RANBP9: variants seen among roughly 807,000 people sequenced by gnomAD.
The protein encoded by RANBP9 is RAN binding protein 9.
A neutral mutation model predicts 84.3 loss-of-function variants in RANBP9; 15 were observed. The ratio of observed to expected loss-of-function variants is 0.18; its 90% CI spans 0.12 to 0.27. The LOEUF (loss-of-function observed/expected upper bound fraction) is 0.27. RANBP9 is among the 10% of genes least tolerant of loss of function. The pLI is 1.00. For synonymous variants in RANBP9, 392 were observed against 349.6 expected, an observed-to-expected ratio of 1.12 and a Z score of -1.35; for missense variants, 809 against 912.8, an observed-to-expected ratio of 0.89 and a Z score of 1.46.
chr6:13,688,162 AGT>A (rs1262210549), intron 2 of RANBP9, among the ~76,000 whole-genome samples: 4 of 152,186 alleles, frequency 2.6e-5, no homozygotes, highest in Non-Finnish European at 5.9e-5. Context: ...AGACTGAGAG[AGT>A]CTGTCAAAAA....
At chr6:13,677,397 A>C (rs1203106661) in intron 2 of RANBP9, among the ~76,000 whole-genome samples, 1 of 152,222 alleles carries the variant, frequency 6.6e-6, no homozygotes, top group Non-Finnish European at 1.5e-5. Context: ...GGAAGACTCA[A>C]ATTTTAAAAT....
rs1402552523 is a variant in RANBP9, at chr6:13,639,724, C to T, written c.1364G>A (p.Gly455Asp). 1 of 1,613,916 alleles carries T rather than the reference C, an allele frequency of 6.2e-7. No homozygotes were observed. Among genetic ancestry groups the T allele is most frequent in the Non-Finnish European group, 8.5e-7 (1 of 1,179,912 alleles). ...KVRQFIEMVN[G>D]TDSEVRCLGG... ...CAAACATCGTACTTCACTATCTGTACCATTCACCATTTCTATAAACTGACG... is the reference window on the plus strand; with the variant it reads ...CAAACATCGTACTTCACTATCTGTATCATTCACCATTTCTATAAACTGACG... The change falls in exon 9 of 14, where the codon GGT becomes GAT. Residue 455 changes from glycine to aspartate, a missense_variant. Transcript: ENST00000011619.
intron 7 of RANBP9, 143 bp downstream of exon 7, chr6:13,642,336 A>G: frequency 3.0e-6 from 1 of 336,902 alleles, no homozygotes; most frequent in Middle Eastern, 8.5e-4. Context: ...CAAAAATGTC[A>G]GTGAAAATAA....
chr6:13,651,111 TTAAA>T (rs1257993486), intron 5 of RANBP9, among the ~76,000 whole-genome samples: 2 of 152,090 alleles, frequency 1.3e-5, no homozygotes, highest in African/African-American at 2.4e-5. Flanking sequence ...AAATCTAAGT[TTAAA>T]TAACCCTAAG....
chr6:13,675,868 A>T (rs981415882), intron 2 of RANBP9, among the ~76,000 whole-genome samples: 1 of 151,994 alleles, frequency 6.6e-6, no homozygotes, highest in Admixed American at 6.6e-5. Flanking sequence ...TTATGCCCAC[A>T]AATTTGATTA....
chr6:13,701,379 C>A (rs904142387), intron 1 of RANBP9, among the ~76,000 whole-genome samples: 4 of 152,206 alleles, frequency 2.6e-5, no homozygotes, highest in African/African-American at 9.6e-5. Context: ...AGCTTATTCC[C>A]TATCCCTCTC....
chr6:13,626,492 A>G (rs1400235157), intron 12 of RANBP9, among the ~76,000 whole-genome samples: 6 of 152,240 alleles, frequency 3.9e-5, no homozygotes, highest in South Asian at 2.1e-4. Context: ...AATGGGGACT[A>G]TAAGAGGCCC....
rs536282498 is a variant in RANBP9 at position 13,694,740 on chromosome 6, G to C, written c.683+2045C>G. On this transcript the variant is annotated intron_variant, in intron 2 of 13. Coordinates refer to ENST00000011619, the MANE Select transcript of RANBP9 (RefSeq NM_005493.3). ...ATGCCATTGGATTCAGTCCCGCCCT[G>C]TCCCCACCTGGGAATCATTCCTTTG... Among the ~76,000 whole-genome samples the C allele has an allele frequency of 2.6e-5, 4 of 152,228 alleles. No individual in the cohort carries two copies. In the South Asian group the frequency reaches 6.2e-4, roughly 24 times the overall value.
intron 1 of RANBP9, 46 bp from the exon 2 acceptor site, chr6:13,696,942 C>G (rs1472627081): frequency 6.8e-7 from 1 of 1,465,282 alleles, no homozygotes; most frequent in African/African-American, 1.4e-5. Context: ...GAGATATTCA[C>G]TGAAAGATGA....
At position 13,634,503 on chromosome 6, in the gene RANBP9, T is replaced by C. The variant is rs1194537048; in HGVS notation, c.1723A>G (p.Thr575Ala). The change falls in exon 11 of 14, where the codon ACT becomes GCT. Residue 575 changes from threonine (T) to alanine (A), a missense_variant. Around this residue, in one of 5 missense-constraint regions of RANBP9, gnomAD observed 233 missense variants for 234.4 expected, o/e 0.99. Coordinates refer to ENST00000011619, the MANE Select transcript of RANBP9 (RefSeq NM_005493.3). ...TDHYSNGVGE[T>A]SSNGFLNGSS... ...CCATTTAGGAAACCATTGGATGAAG[T>C]TTCTCCAACTCCATTGGAGTAGTGA... is the stretch of plus-strand genomic sequence containing the variant. 3.7e-6 allele frequency: 6 copies of C among 1,613,574 alleles called. No homozygotes were observed. The highest frequency in any genetic ancestry group is 5.1e-6 in the Non-Finnish European group (6 of 1,179,604).
intron 2 of RANBP9, among the ~76,000 whole-genome samples, chr6:13,666,360 A>G (rs1270926449): frequency 6.6e-6 from 1 of 152,118 alleles, no homozygotes; most frequent in Non-Finnish European, 1.5e-5. Flanking sequence ...TCATGCAATA[A>G]AAGCTACAAG....
intron 3 of RANBP9, among the ~76,000 whole-genome samples, chr6:13,658,525 G>T (rs1372349166): frequency 6.6e-6 from 1 of 152,098 alleles, no homozygotes; most frequent in Non-Finnish European, 1.5e-5. Context: ...CAGGAAAACC[G>T]CTTGATCCCA....
At chr6:13,668,911 A>C (rs1584932940) in intron 2 of RANBP9, among the ~76,000 whole-genome samples, 1 of 152,150 alleles carries the variant, frequency 6.6e-6, no homozygotes, top group South Asian at 2.1e-4. Flanking sequence ...AAAAGACATA[A>C]AAGCCATCAG....
chr6:13,709,218 C>A (rs1056127306), intron 1 of RANBP9, among the ~76,000 whole-genome samples: 2 of 152,154 alleles, frequency 1.3e-5, no homozygotes, highest in Admixed American at 1.3e-4. Flanking sequence ...ACAGTAATCA[C>A]GAATCTTAGA....
At chr6:13,649,777 T>TC (rs1461143692) in intron 5 of RANBP9, among the ~76,000 whole-genome samples, 1 of 152,142 alleles carries the variant, frequency 6.6e-6, no homozygotes, top group African/African-American at 2.4e-5. Context: ...ATGGCCAAAG[T>TC]CCTCCAGAGT....
At chr6:13,661,567 C>T (rs1264227098) in intron 2 of RANBP9, among the ~76,000 whole-genome samples, 1 of 151,048 alleles carries the variant, frequency 6.6e-6, no homozygotes, top group African/African-American at 2.4e-5. Flanking sequence ...TGATATCACC[C>T]AATGGATAGT....
At chr6:13,706,656 G>A (rs1234582979) in intron 1 of RANBP9, among the ~76,000 whole-genome samples, 1 of 148,364 alleles carries the variant, frequency 6.7e-6, no homozygotes, top group African/African-American at 2.5e-5. Flanking sequence ...TGGCGCCACT[G>A]TACTCCAGCC....
intron 2 of RANBP9, among the ~76,000 whole-genome samples, chr6:13,659,140 G>A (rs906250057): frequency 2.0e-5 from 3 of 151,726 alleles, no homozygotes; most frequent in Non-Finnish European, 4.4e-5. Flanking sequence ...AAATGTTTGG[G>A]ATTAAGATTT....
chr6:13,638,931 A>G (rs569807080), intron 9 of RANBP9, among the ~76,000 whole-genome samples: 1 of 152,186 alleles, frequency 6.6e-6, no homozygotes, highest in Non-Finnish European at 1.5e-5. Context: ...TCACAGCCAC[A>G]TCACCTTTAA....
Sources: allele counts gnomAD v4.1 joint callset (sites outside exome capture counted in the v4.1 genomes callset), GRCh38; gene constraint gnomAD v4.1.1; regional missense constraint gnomAD v4.1.1; transcripts MANE v1.5; gene names NCBI Gene and HGNC (gene_info 2026-07-23, HGNC 2026-07-21).